The following PRDM5 variants were observed in gnomAD, a reference collection of about 807,000 sequenced individuals.
The protein encoded by PRDM5 is PR domain zinc finger protein 5.
Under a neutral mutation model 81.2 loss-of-function variants are expected in PRDM5, and 56 were observed. The ratio of observed to expected loss-of-function variants is 0.69; its 90% CI spans 0.56 to 0.86. The LOEUF (loss-of-function observed/expected upper bound fraction) is 0.86, where lower values mean the gene tolerates loss of function less well. Among genes scored for constraint, PRDM5 ranks in the 40% least tolerant of loss-of-function variants. The probability of loss-of-function intolerance (pLI) is 0.00; values close to 1 mark genes in which losing one functional copy is unlikely to be tolerated. For missense variants in PRDM5, 697 were observed against 770.1 expected, an observed-to-expected ratio of 0.91 and a Z score of 1.12; for synonymous variants, 267 against 256.4, an observed-to-expected ratio of 1.04 and a Z score of -0.39.
At position 120,706,759 on chromosome 4, in the gene PRDM5, TA is replaced by T. The variant is rs1736227524; in HGVS notation, c.1728+3549del. On this transcript the variant is annotated intron_variant, in intron 15 of 15. Coordinates refer to ENST00000264808, the MANE Select transcript of PRDM5 (RefSeq NM_018699.4). ...ATATATATGTCCATTATATAAATTT[TA>T]TATATATATATATATATGCCCATTT... 1.1e-4 allele frequency among the ~76,000 whole-genome samples: 3 copies of T among 27,224 alleles called. No individual in the cohort carries two copies. The Admixed American group carries it at 1.4e-3, about 13-fold the overall frequency. The allele number at this position is 27,224 out of a possible 152,430, so 17.9% of individuals were successfully genotyped here.
At chr4:120,741,862 C>G (rs1368874991) in intron 14 of PRDM5, among the ~76,000 whole-genome samples, 1 of 152,204 alleles carries the variant, frequency 6.6e-6, no homozygotes, top group Non-Finnish European at 1.5e-5. Context: ...GGGGTGCCCA[C>G]CATTGCCCAG....
chr4:120,754,171 A>C (rs968585920), intron 14 of PRDM5, among the ~76,000 whole-genome samples: 1 of 151,976 alleles, frequency 6.6e-6, no homozygotes, highest in Non-Finnish European at 1.5e-5. Flanking sequence ...AGTATTACTT[A>C]ATGGCCAAAT....
chr4:120,909,138 T>C (rs1263983389), intron 1 of PRDM5, among the ~76,000 whole-genome samples: 1 of 152,206 alleles, frequency 6.6e-6, no homozygotes, highest in African/African-American at 2.4e-5. Context: ...GCTTGCTTGA[T>C]TAAGGTCAAT....
At chr4:120,701,744 T>C (rs1047681675) in intron 15 of PRDM5, among the ~76,000 whole-genome samples, 2 of 152,026 alleles carry the variant, frequency 1.3e-5, no homozygotes, top group Admixed American at 6.6e-5. Flanking sequence ...ATGGGATCAT[T>C]CACACCTAAA....
chr4:120,883,005 T>C (rs1763011384), intron 2 of PRDM5, among the ~76,000 whole-genome samples: 1 of 152,214 alleles, frequency 6.6e-6, no homozygotes, highest in South Asian at 2.1e-4. Flanking sequence ...CAGTCCCCTG[T>C]AGTACTCGCT....
intron 13 of PRDM5, among the ~76,000 whole-genome samples, chr4:120,774,940 ATATGTGTGTG>A (rs369278474): frequency 5.3e-4 from 63 of 119,862 alleles, no homozygotes; most frequent in African/African-American, 1.7e-3. Context: ...GTATATGTAT[ATATGTGTGTG>A]TATATGTATA....
At position 120,786,263 on chromosome 4, in the gene PRDM5, G is replaced by A. The variant is rs115761168; in HGVS notation, c.1189-1172C>T. On this transcript the variant is annotated intron_variant, in intron 10 of 15. Coordinates refer to ENST00000264808, the MANE Select transcript of PRDM5 (RefSeq NM_018699.4). The stretch of plus-strand genomic sequence containing the variant: ...GGTGAGAAAGACATTTTCATGTTTG[G>A]TTTTATTTGTGAAAGATATAGAGAA... 3.1e-3 allele frequency among the ~76,000 whole-genome samples: 466 copies of A among 152,158 alleles called. 3 individuals are homozygous for A. The highest frequency in any genetic ancestry group is 0.011 in the African/African-American group (459 of 41,516).
chr4:120,777,316 T>C, intron 12 of PRDM5, 35 bp from the exon 13 acceptor site: 1 of 1,612,640 alleles, frequency 6.2e-7, no homozygotes, highest in Non-Finnish European at 8.5e-7. Context: ...TAAGGATAAA[T>C]ACAAAGAATT....
At chr4:120,809,331 A>C (rs1753499821) in intron 8 of PRDM5, among the ~76,000 whole-genome samples, 1 of 152,144 alleles carries the variant, frequency 6.6e-6, no homozygotes, top group African/African-American at 2.4e-5. Flanking sequence ...AACATGGCCC[A>C]TGTATACCTA....
chr4:120,690,743 T>G (rs941795053), downstream of PRDM5, among the ~76,000 whole-genome samples: 1 of 152,164 alleles, frequency 6.6e-6, no homozygotes, highest in Non-Finnish European at 1.5e-5. Flanking sequence ...TTTTTTGAAT[T>G]TTTTAAGTGT....
At chr4:120,712,115 G>A (rs551871271) in intron 14 of PRDM5, among the ~76,000 whole-genome samples, 3 of 151,944 alleles carry the variant, frequency 2.0e-5, no homozygotes, top group African/African-American at 4.8e-5. Flanking sequence ...GTGAAACCCC[G>A]TCTCTACTAA....
At chr4:120,713,857 G>A (rs1205325036) in intron 14 of PRDM5, among the ~76,000 whole-genome samples, 1 of 152,170 alleles carries the variant, frequency 6.6e-6, no homozygotes, top group African/African-American at 2.4e-5. Context: ...AGGTCAGGGT[G>A]TCAGCCTAGT....
intron 14 of PRDM5, among the ~76,000 whole-genome samples, chr4:120,733,699 T>A (rs1283702881): frequency 2.6e-5 from 4 of 152,176 alleles, no homozygotes; most frequent in African/African-American, 9.7e-5. Context: ...TTAAACACAC[T>A]GTCCTTTCGA....
chr4:120,847,698 T>C (rs1353575916), intron 3 of PRDM5, among the ~76,000 whole-genome samples: 1 of 152,224 alleles, frequency 6.6e-6, no homozygotes, highest in East Asian at 1.9e-4. Flanking sequence ...GGATAACTAC[T>C]ACAATCATAA....
chr4:120,922,624 G>GGCC lies in PRDM5; in HGVS notation c.-19_-17dup, dbSNP rs1725115440. 1 of 1,570,072 alleles carries GGCC rather than the reference G, an allele frequency of 6.4e-7. No homozygotes were observed. Among genetic ancestry groups the GGCC allele is most frequent in the Non-Finnish European group, 8.6e-7 (1 of 1,160,340 alleles). ...TGCCCAGCATTTTCCCGGGCGCGGC[G>GGCC]GCCGCCGCCTCTCTCAACACCGGCG... On this transcript the variant is annotated 5_prime_UTR_variant, in exon 1 of 16. Coordinates refer to ENST00000264808, the MANE Select transcript of PRDM5 (RefSeq NM_018699.4).
chr4:120,824,155 T>C (rs926457376), intron 3 of PRDM5, among the ~76,000 whole-genome samples: 3 of 152,186 alleles, frequency 2.0e-5, no homozygotes, highest in Non-Finnish European at 2.9e-5. Context: ...TATTCCTTTA[T>C]AGCAACACAA....
intron 1 of PRDM5, among the ~76,000 whole-genome samples, chr4:120,915,813 A>T (rs1273120349): frequency 2.0e-5 from 3 of 152,176 alleles, no homozygotes. Flanking sequence ...AGGAGCAGGC[A>T]TATTGAGAAA....
chr4:120,867,040 G>C (rs1368270311), intron 2 of PRDM5, among the ~76,000 whole-genome samples: 3 of 152,110 alleles, frequency 2.0e-5, no homozygotes, highest in African/African-American at 4.8e-5. Context: ...CAGACCTAGG[G>C]ACTGAAAACA....
intron 8 of PRDM5, among the ~76,000 whole-genome samples, chr4:120,807,792 A>G (rs1312462054): frequency 1.3e-5 from 2 of 152,052 alleles, no homozygotes; most frequent in Admixed American, 6.6e-5. Context: ...GAAGCTGCAG[A>G]CTTTCACGGT....
Sources: allele counts gnomAD v4.1 joint callset (sites outside exome capture counted in the v4.1 genomes callset), GRCh38; gene constraint gnomAD v4.1.1; transcripts MANE v1.5; gene names NCBI Gene and HGNC (gene_info 2026-07-23, HGNC 2026-07-21).